The following HMGA2 variants were observed in gnomAD, a reference collection of about 807,000 sequenced individuals.
HMGA2 encodes high mobility group protein HMGI-C.
In HMGA2, 8 loss-of-function variants were observed where a neutral mutation model predicts 19.1. The ratio of observed to expected loss-of-function variants is 0.42; its 90% CI spans 0.25 to 0.76. The LOEUF (loss-of-function observed/expected upper bound fraction) is 0.76, where lower values mean the gene tolerates loss of function less well. Among genes scored for constraint, HMGA2 ranks in the 30% least tolerant of loss-of-function variants. The pLI is 0.28. For synonymous variants in HMGA2, 60 were observed against 48.8 expected (o/e 1.23, Z -0.96); for missense variants, 109 against 136.3 (o/e 0.80, Z 1.00).
intron 3 of HMGA2, among the ~76,000 whole-genome samples, chr12:65,878,693 G>A (rs543437111): frequency 6.6e-6 from 1 of 152,234 alleles, no homozygotes; most frequent in African/African-American, 2.4e-5. Context: ...TCCAGAATTA[G>A]GTTTATTGAC....
intron 3 of HMGA2, among the ~76,000 whole-genome samples, chr12:65,943,554 G>T (rs1327367396): frequency 6.6e-6 from 1 of 152,158 alleles, no homozygotes; most frequent in Non-Finnish European, 1.5e-5. Context: ...AAATACTTTT[G>T]AAATGATGCT....
chr12:65,947,564 A>G (rs754626777), intron 3 of HMGA2, among the ~76,000 whole-genome samples: 4 of 152,194 alleles, frequency 2.6e-5, no homozygotes, highest in Non-Finnish European at 5.9e-5. Flanking sequence ...TTTCATTACA[A>G]GCTTTTTGAA....
At chr12:65,878,135 C>T (rs569547526) in intron 3 of HMGA2, among the ~76,000 whole-genome samples, 15 of 152,344 alleles carry the variant, frequency 9.8e-5, no homozygotes, top group African/African-American at 3.4e-4. Context: ...GCCATTCACA[C>T]ATCCCCACTA....
intron 3 of HMGA2, among the ~76,000 whole-genome samples, chr12:65,927,831 CTGTGTGTGTG>C (rs143707177): frequency 2.1e-5 from 3 of 145,082 alleles, no homozygotes; most frequent in Non-Finnish European, 4.5e-5. Context: ...CTCTTTGTAT[CTGTGTGTGTG>C]TGTGTGTGTG....
intron 2 of HMGA2, 154 bp downstream of exon 2, chr12:65,828,241 G>T: frequency 1.5e-6 from 1 of 658,832 alleles, no homozygotes; most frequent in South Asian, 1.6e-5. Flanking sequence ...TTAGATGCGA[G>T]TTAACCTTTT....
intron 3 of HMGA2, among the ~76,000 whole-genome samples, chr12:65,862,188 T>C (rs1186737007): frequency 3.3e-5 from 5 of 152,212 alleles, no homozygotes; most frequent in South Asian, 2.1e-4. Flanking sequence ...CAGAGAGTCA[T>C]ACTGTTTTAA....
chr12:65,838,493 A>G lies in HMGA2; in HGVS notation c.199-26A>G, dbSNP rs200789504. 5.6e-5 allele frequency: 89 copies of G among 1,596,188 alleles called. No homozygotes were observed. The African/African-American group carries it at 1.1e-3, about 19-fold the overall frequency. On this transcript the variant is annotated intron_variant, in intron 2 of 4. Transcript: ENST00000403681. ...TATAAACAATGTCAGGTAGAAAACT[A>G]TAATGACTTCCTTTTTCATTTGCAG... is the stretch of plus-strand genomic sequence containing the variant.
At chr12:65,836,313 C>T (rs1033597170) in intron 2 of HMGA2, among the ~76,000 whole-genome samples, 4 of 151,086 alleles carry the variant, frequency 2.6e-5, no homozygotes, top group African/African-American at 7.3e-5. Flanking sequence ...GAGCAGAGAC[C>T]GCGTCACTGC....
intron 3 of HMGA2, chr12:65,856,079 T>C (rs908400558): frequency 2.0e-5 from 3 of 152,238 alleles, no homozygotes; most frequent in African/African-American, 4.8e-5. Flanking sequence ...AAAATAATTA[T>C]AGAATATCAG....
chr12:65,843,326 G>T (rs894794858), intron 3 of HMGA2: 2 of 211,570 alleles, frequency 9.5e-6, no homozygotes, highest in African/African-American at 4.5e-5. Flanking sequence ...CTTTTGAAGG[G>T]GGGCAGTTGT....
At position 65,894,169 on chromosome 12, in the gene HMGA2, C is replaced by G. The variant is rs1874031472; in HGVS notation, c.249+55600C>G. Reference sequence around the variant, plus strand: ...ATTTTTTTCTAACGTGTTAAGGATTCTATTTTAAATAGAAAATCAGATTGC... The same window carrying G: ...ATTTTTTTCTAACGTGTTAAGGATTGTATTTTAAATAGAAAATCAGATTGC... On this transcript the variant is annotated intron_variant, in intron 3 of 4. Transcript: ENST00000403681. 2.6e-5 allele frequency among the ~76,000 whole-genome samples: 4 copies of G among 152,090 alleles called. 1 individual carries two copies. Among genetic ancestry groups the G allele is most frequent in the Non-Finnish European group, 5.9e-5 (4 of 68,016 alleles).
intron 3 of HMGA2, among the ~76,000 whole-genome samples, chr12:65,848,548 G>A (rs12313942): frequency 0.041 from 6,222 of 152,244 alleles, 367 homozygotes; most frequent in African/African-American, 0.14. Flanking sequence ...ATAATAGCTA[G>A]CAATGTTACA....
At chr12:65,836,588 G>A (rs1210878979) in intron 2 of HMGA2, among the ~76,000 whole-genome samples, 1 of 152,144 alleles carries the variant, frequency 6.6e-6, no homozygotes, top group Non-Finnish European at 1.5e-5. Context: ...TGGAATCTAA[G>A]CGTTCCAAGG....
chr12:65,866,740 A>G, intron 3 of HMGA2: 1 of 445,460 alleles, frequency 2.2e-6, no homozygotes, highest in Non-Finnish European at 4.5e-6. Context: ...GCAGTTATTA[A>G]TGTGAATAGT....
intron 3 of HMGA2, among the ~76,000 whole-genome samples, chr12:65,868,345 G>C (rs963746987): frequency 6.6e-6 from 1 of 150,654 alleles, no homozygotes; most frequent in African/African-American, 2.4e-5. Context: ...ATTTTCATTT[G>C]TTCTTAGAGT....
At chr12:65,911,931 A>C (rs1874863087) in intron 3 of HMGA2, among the ~76,000 whole-genome samples, 1 of 152,232 alleles carries the variant, frequency 6.6e-6, no homozygotes, top group African/African-American at 2.4e-5. Flanking sequence ...AACAGAAATG[A>C]AACTATGATA....
chr12:65,846,520 G>A (rs911243463), intron 3 of HMGA2, among the ~76,000 whole-genome samples: 4 of 152,238 alleles, frequency 2.6e-5, no homozygotes, highest in African/African-American at 9.6e-5. Flanking sequence ...TGTAATTTCA[G>A]TGCATTAACT....
At chr12:65,869,349 C>A (rs575386355) in intron 3 of HMGA2, among the ~76,000 whole-genome samples, 1 of 152,290 alleles carries the variant, frequency 6.6e-6, no homozygotes, top group South Asian at 2.1e-4. Flanking sequence ...GAACCCTACC[C>A]AGCAGATAGG....
At chr12:65,851,614 G>T (rs1037172790) in intron 3 of HMGA2, 3 of 441,526 alleles carry the variant, frequency 6.8e-6, no homozygotes, top group Non-Finnish European at 4.5e-6. Context: ...TTTGGAGTGA[G>T]CCAAGATCAT....
Sources: gnomAD v4.1 joint callset for allele counts (sites outside exome capture counted in the v4.1 genomes callset) on GRCh38, gnomAD v4.1.1 for gene constraint, MANE v1.5 for transcripts, NCBI Gene and HGNC (gene_info 2026-07-23, HGNC 2026-07-21) for gene names.